PARPBP: variants seen among roughly 807,000 people sequenced by gnomAD.
PARPBP encodes PARP1 binding protein.
PARPBP carries 52 observed loss-of-function variants against 50.0 expected under a neutral mutation model. That is an observed-to-expected ratio of 1.04 (90% confidence interval 0.83 to 1.31). The LOEUF (loss-of-function observed/expected upper bound fraction) is 1.31, where lower values mean the gene tolerates loss of function less well. Ranked by LOEUF, PARPBP falls within the 50% of genes most tolerant of loss-of-function variation. The probability of loss-of-function intolerance (pLI) is 0.00; values close to 1 mark genes in which losing one functional copy is unlikely to be tolerated. For synonymous variants in PARPBP, 244 were observed against 232.1 expected, an observed-to-expected ratio of 1.05 and a Z score of -0.47; for missense variants, 697 against 672.0, an observed-to-expected ratio of 1.04 and a Z score of -0.41.
At position 102,197,226 on chromosome 12, in the gene PARPBP, A is replaced by T; in HGVS notation, c.*935A>T. On this transcript the variant is annotated 3_prime_UTR_variant, in exon 11 of 11. Transcript: ENST00000327680. ...GCTATCGTATTCGGAGTGGAACTAT[A>T]ATACAATTGTATAATATTCTTGTTG... 4.7e-6 allele frequency: 6 copies of T among 1,281,802 alleles called. No individual in the cohort carries two copies. Among genetic ancestry groups the T allele is most frequent in the Non-Finnish European group, 6.7e-6 (6 of 892,316 alleles). The allele number at this position is 1,281,802 out of a possible 1,614,324, so 79.4% of individuals were successfully genotyped here.
intron 5 of PARPBP, 91 bp downstream of exon 5, chr12:102,164,699 T>A (rs1432848655): frequency 3.0e-6 from 3 of 1,015,818 alleles, no homozygotes; most frequent in East Asian, 2.4e-5. Context: ...AAACAACTTT[T>A]AAGTGGTTAA....
chr12:102,162,744 C>T (rs1195809463), intron 4 of PARPBP, among the ~76,000 whole-genome samples: 1 of 151,896 alleles, frequency 6.6e-6, no homozygotes, highest in African/African-American at 2.4e-5. Context: ...ATCACTTAAG[C>T]CTGGGAGGTT....
intron 2 of PARPBP, among the ~76,000 whole-genome samples, chr12:102,138,223 C>T (rs991414611): frequency 2.1e-4 from 32 of 152,176 alleles, no homozygotes; most frequent in Admixed American, 3.3e-4. Flanking sequence ...GGTATCTCAT[C>T]GTGGTTTTGA....
chr12:102,134,429 C>T (rs1478294696), intron 2 of PARPBP, among the ~76,000 whole-genome samples: 1 of 151,932 alleles, frequency 6.6e-6, no homozygotes, highest in Non-Finnish European at 1.5e-5. Flanking sequence ...CTGAATAGAC[C>T]AATAAGAAAT....
At position 102,140,822 on chromosome 12, in the gene PARPBP, G is replaced by A. The variant is rs544428063; in HGVS notation, c.154-7408G>A. ...GTGAGTTTCTTAATCCTGAGTTCTAGTTTGATTGCACTGTGGTCTGAGAGA... is the reference window on the plus strand; with the variant it reads ...GTGAGTTTCTTAATCCTGAGTTCTAATTTGATTGCACTGTGGTCTGAGAGA... On this transcript the variant is annotated intron_variant, in intron 2 of 10. Transcript: ENST00000327680. Among the ~76,000 whole-genome samples, 25 of 152,272 alleles carry A rather than the reference G, an allele frequency of 1.6e-4. No homozygotes were observed. In the South Asian group the frequency reaches 5.2e-3, roughly 32 times the overall value.
At chr12:102,162,234 T>A (rs1437114875) in intron 4 of PARPBP, among the ~76,000 whole-genome samples, 1 of 152,218 alleles carries the variant, frequency 6.6e-6, no homozygotes, top group Non-Finnish European at 1.5e-5. Context: ...GTGATTAGAT[T>A]GAATATGATG....
At chr12:102,185,661 T>C (rs562037812) in intron 9 of PARPBP, among the ~76,000 whole-genome samples, 30 of 152,074 alleles carry the variant, frequency 2.0e-4, no homozygotes, top group African/African-American at 6.5e-4. Context: ...GCTGGGATAA[T>C]TTTTTTTATT....
Position 102,152,673 on chromosome 12 carries a change from A to G in PARPBP, c.388-1196A>G, listed in dbSNP as rs73384842. ...TTATTACTTTTTCAAATACAACATG[A>G]AAGTATAAAAAAGCAGACTTTCCTT... is the stretch of plus-strand genomic sequence containing the variant. On this transcript the variant is annotated intron_variant, in intron 3 of 10. Transcript: ENST00000327680. Among the ~76,000 whole-genome samples, 512 of 152,302 alleles carry G rather than the reference A, an allele frequency of 3.4e-3. 2 individuals are homozygous for G. Among genetic ancestry groups the G allele is most frequent in the African/African-American group, 0.012 (478 of 41,550 alleles).
chr12:102,123,901 A>G lies in PARPBP; in HGVS notation c.13A>G (p.Asn5Asp), dbSNP rs181521405. 1 of 1,534,842 alleles carries G rather than the reference A, an allele frequency of 6.5e-7. No homozygotes were observed. The highest frequency in any genetic ancestry group is 8.7e-7 in the Non-Finnish European group (1 of 1,145,818). ...CTACTTTAAGATAATGGCTGTGTTT[A>G]ATCAGAAGTCTGTCTCGGATATGAT... MAVF[N>D]QKSVSDMIKE... Residue 5 changes from asparagine (N) to aspartate (D), a missense_variant, in exon 2 of 11, where the codon AAT becomes GAT. Transcript: ENST00000327680.
At chr12:102,139,299 G>A (rs569270088) in intron 2 of PARPBP, among the ~76,000 whole-genome samples, 381 of 152,294 alleles carry the variant, frequency 2.5e-3, no homozygotes, top group Admixed American at 4.4e-3. Flanking sequence ...TGTGATTGGT[G>A]TATAAGAATG....
intron 2 of PARPBP, among the ~76,000 whole-genome samples, chr12:102,138,434 A>C (rs897249162): frequency 3.3e-5 from 5 of 151,828 alleles, no homozygotes; most frequent in Admixed American, 2.6e-4. Flanking sequence ...GATTGCAAAA[A>C]TTTTCTCCCA....
chr12:102,176,388 AG>A (rs1889285082), intron 7 of PARPBP, among the ~76,000 whole-genome samples: 1 of 152,256 alleles, frequency 6.6e-6, no homozygotes, highest in East Asian at 1.9e-4. Flanking sequence ...GGACAACAAC[AG>A]TCCTGTTAGA....
intron 4 of PARPBP, among the ~76,000 whole-genome samples, chr12:102,162,670 C>T (rs991582764): frequency 1.3e-5 from 2 of 151,940 alleles, no homozygotes; most frequent in Non-Finnish European, 2.9e-5. Flanking sequence ...AAAATAAAAA[C>T]GTTTTGCTGC....
chr12:102,152,400 T>G (rs1210450175), intron 3 of PARPBP, among the ~76,000 whole-genome samples: 1 of 152,232 alleles, frequency 6.6e-6, no homozygotes, highest in Non-Finnish European at 1.5e-5. Flanking sequence ...AGCAGAGATG[T>G]AATGATGAAA....
chr12:102,181,076 C>T (rs966053101), intron 8 of PARPBP, among the ~76,000 whole-genome samples: 2 of 152,096 alleles, frequency 1.3e-5, no homozygotes, highest in African/African-American at 4.8e-5. Context: ...CTCTGACCCT[C>T]CTATTTCTAT....
chr12:102,186,196 TTGG>T (rs1407382716), intron 9 of PARPBP, among the ~76,000 whole-genome samples: 12 of 152,144 alleles, frequency 7.9e-5, no homozygotes, highest in Non-Finnish European at 1.8e-4. Context: ...TTTTATTTAT[TTGG>T]GTCATCTCTC....
At chr12:102,155,384 C>T (rs1362782045) in intron 4 of PARPBP, 1 of 152,176 alleles carries the variant, frequency 6.6e-6, no homozygotes, top group African/African-American at 2.4e-5. Flanking sequence ...ATGCCTCAGG[C>T]CATTGAGAGA....
intron 9 of PARPBP, among the ~76,000 whole-genome samples, chr12:102,187,729 T>C (rs923673501): frequency 6.6e-6 from 1 of 151,944 alleles, no homozygotes; most frequent in Admixed American, 6.6e-5. Flanking sequence ...GAGGAGAAAA[T>C]AAAATGCTGT....
intron 6 of PARPBP, among the ~76,000 whole-genome samples, chr12:102,172,227 C>T (rs1368135366): frequency 2.6e-5 from 4 of 152,164 alleles, no homozygotes. Flanking sequence ...CATCTAAATT[C>T]TCCTATTAAT....
Sources: allele counts gnomAD v4.1 joint callset (sites outside exome capture counted in the v4.1 genomes callset), GRCh38; gene constraint gnomAD v4.1.1; transcripts MANE v1.5; gene names NCBI Gene and HGNC (gene_info 2026-07-23, HGNC 2026-07-21).